The following AUTS2 variants were observed in gnomAD, a reference collection of about 807,000 sequenced individuals.
AUTS2 encodes the protein autism susceptibility gene 2 protein.
In AUTS2, 17 loss-of-function variants were observed where a neutral mutation model predicts 112.4. The ratio of observed to expected loss-of-function variants is 0.15; its 90% CI spans 0.10 to 0.23. AUTS2 has a LOEUF of 0.23. Ranked by LOEUF, AUTS2 falls within the 10% of genes least tolerant of loss-of-function variation. The probability of loss-of-function intolerance (pLI) is 1.00; values close to 1 mark genes in which losing one functional copy is unlikely to be tolerated. For synonymous variants in AUTS2, 751 were observed against 702.7 expected (o/e 1.07, Z -1.09); for missense variants, 1,510 against 1,701.6 (o/e 0.89, Z 1.98).
chr7:70,468,661 G>C (rs1330169451), intron 5 of AUTS2, among the ~76,000 whole-genome samples: 1 of 152,166 alleles, frequency 6.6e-6, no homozygotes. Flanking sequence ...TGTAGCCACA[G>C]GTCAGTGAGC....
chr7:69,664,426 A>C (rs1434324772), intron 1 of AUTS2, among the ~76,000 whole-genome samples: 1 of 152,240 alleles, frequency 6.6e-6, no homozygotes, highest in Non-Finnish European at 1.5e-5. Context: ...GTTCCAAGCT[A>C]GCTCTTGTGA....
At chr7:70,205,194 T>C (rs940278380) in intron 4 of AUTS2, among the ~76,000 whole-genome samples, 1 of 152,076 alleles carries the variant, frequency 6.6e-6, no homozygotes, top group African/African-American at 2.4e-5. Context: ...GAATGCACCA[T>C]TTGTGCCTGG....
chr7:69,975,531 G>A (rs938048527), intron 2 of AUTS2, among the ~76,000 whole-genome samples: 1 of 151,648 alleles, frequency 6.6e-6, no homozygotes, highest in African/African-American at 2.4e-5. Context: ...CTGATACTCT[G>A]TTTTTTGTTG....
At chr7:70,126,976 A>C (rs1315454082) in intron 3 of AUTS2, among the ~76,000 whole-genome samples, 1 of 151,792 alleles carries the variant, frequency 6.6e-6, no homozygotes, top group Non-Finnish European at 1.5e-5. Context: ...ACAGGCATAC[A>C]CCACCACGCC....
Position 69,599,985 on chromosome 7 carries a change from C to T in AUTS2, c.309+23C>T, listed in dbSNP as rs1175060407. 3.7e-6 allele frequency: 6 copies of T among 1,612,080 alleles called. No individual in the cohort carries two copies. The highest frequency in any genetic ancestry group is 1.7e-5 in the Admixed American group (1 of 59,966). On this transcript the variant is annotated intron_variant, in intron 1 of 18. Coordinates refer to ENST00000342771, the MANE Select transcript of AUTS2 (RefSeq NM_015570.4). This position sits in a 1 kb window ranked among gnomAD's most constrained non-coding sequence, Gnocchi z 7.0. ...GAGGTAAGGGGGACCCCCCTTCCCC[C>T]GGGTTCCCTTTATGCACGACCCCAC... is the stretch of plus-strand genomic sequence containing the variant.
chr7:70,146,215 G>A (rs1430364565), intron 4 of AUTS2, among the ~76,000 whole-genome samples: 1 of 152,016 alleles, frequency 6.6e-6, no homozygotes, highest in Non-Finnish European at 1.5e-5. Context: ...CTGAAGTTTT[G>A]TGACCCTCGT....
At chr7:70,645,422 A>C (rs567193150) in intron 5 of AUTS2, among the ~76,000 whole-genome samples, 1 of 152,050 alleles carries the variant, frequency 6.6e-6, no homozygotes, top group Non-Finnish European at 1.5e-5. Flanking sequence ...TGCACCAGCC[A>C]CTGAACTCTC....
At chr7:70,684,340 T>C (rs1808350523) in intron 5 of AUTS2, among the ~76,000 whole-genome samples, 1 of 152,118 alleles carries the variant, frequency 6.6e-6, no homozygotes, top group African/African-American at 2.4e-5. Flanking sequence ...CCTGGGAAGG[T>C]AAACTACTTG....
At chr7:70,568,922 T>A (rs1585313367) in intron 5 of AUTS2, among the ~76,000 whole-genome samples, 1 of 152,260 alleles carries the variant, frequency 6.6e-6, no homozygotes, top group African/African-American at 2.4e-5. Flanking sequence ...ATCCCAGTTT[T>A]ATCAGCGGAA....
At chr7:69,997,626 G>T (rs939475879) in intron 2 of AUTS2, among the ~76,000 whole-genome samples, 4 of 152,162 alleles carry the variant, frequency 2.6e-5, no homozygotes, top group Admixed American at 6.5e-5. Context: ...AGGGAAGGGG[G>T]ATCCAATGTG....
At chr7:70,320,279 A>G (rs182856421) in intron 4 of AUTS2, among the ~76,000 whole-genome samples, 68 of 152,342 alleles carry the variant, frequency 4.5e-4, no homozygotes, top group Middle Eastern at 6.8e-3. Flanking sequence ...CCCCAGTATC[A>G]TCTTTGTACT....
At chr7:69,741,219 T>C (rs182463535) in intron 1 of AUTS2, among the ~76,000 whole-genome samples, 3 of 152,300 alleles carry the variant, frequency 2.0e-5, no homozygotes, top group Admixed American at 2.0e-4. Context: ...TTGTATGCAA[T>C]GTGGTGGTAT....
At position 69,599,054 on chromosome 7, in the gene AUTS2, G is replaced by C. The variant is rs959937241; in HGVS notation, c.-600G>C. ...ATTTCTTAAAAATTTGGGAGCCTGG[G>C]AGTGAGTTTTCTCCGAGGCGTGTGT... On this transcript the variant is annotated 5_prime_UTR_variant, in exon 1 of 19. Transcript: ENST00000342771. The surrounding 1 kb of genome is among the most constrained non-coding windows in gnomAD (Gnocchi z 7.0). 6.6e-6 allele frequency: 1 copy of C among 151,860 alleles called. No homozygotes were observed. The highest frequency in any genetic ancestry group is 2.0e-4 in the East Asian group (1 of 5,042). The allele number at this position is 151,860 out of a possible 1,614,324, so 9.4% of individuals were successfully genotyped here.
chr7:70,053,497 C>T (rs1412960467), intron 2 of AUTS2, among the ~76,000 whole-genome samples: 2 of 149,236 alleles, frequency 1.3e-5, no homozygotes, highest in Non-Finnish European at 3.0e-5. Context: ...GTGTTTTTTG[C>T]GTGTAGCTAC....
intron 2 of AUTS2, among the ~76,000 whole-genome samples, chr7:70,001,266 C>T (rs1436780428): frequency 6.6e-6 from 1 of 152,094 alleles, no homozygotes; most frequent in Non-Finnish European, 1.5e-5. Context: ...CCTGGGACTA[C>T]AGGTGTGTGC....
chr7:69,792,420 T>C (rs533520935), intron 1 of AUTS2, among the ~76,000 whole-genome samples: 2 of 152,114 alleles, frequency 1.3e-5, no homozygotes, highest in South Asian at 4.2e-4. Flanking sequence ...TTTGTATTTT[T>C]AGTAGAGACG....
intron 1 of AUTS2, among the ~76,000 whole-genome samples, chr7:69,693,857 A>G (rs1351055939): frequency 6.6e-6 from 1 of 152,162 alleles, no homozygotes; most frequent in African/African-American, 2.4e-5. Context: ...TCCCTTGGGA[A>G]TTTGTTAGAT....
intron 1 of AUTS2, among the ~76,000 whole-genome samples, chr7:69,742,278 CT>C (rs1162496378): frequency 2.6e-5 from 4 of 152,028 alleles, no homozygotes; most frequent in Non-Finnish European, 5.9e-5. Context: ...AGTAAATGCT[CT>C]TTTTTGTTTA....
chr7:70,460,587 G>T (rs773820327), intron 5 of AUTS2, among the ~76,000 whole-genome samples: 4 of 151,960 alleles, frequency 2.6e-5, no homozygotes, highest in Non-Finnish European at 5.9e-5. Context: ...CTGACCTCAG[G>T]TGATCCACCC....
Sources: allele counts gnomAD v4.1 joint callset (sites outside exome capture counted in the v4.1 genomes callset), GRCh38; gene constraint gnomAD v4.1.1; non-coding constraint Gnocchi (gnomAD v3.1); transcripts MANE v1.5; gene names NCBI Gene and HGNC (gene_info 2026-07-23, HGNC 2026-07-21).